The following CTNNA3 variants were observed in gnomAD, a reference collection of about 807,000 sequenced individuals.
The protein encoded by CTNNA3 is catenin alpha 3.
In CTNNA3, 76 loss-of-function variants were observed where a neutral mutation model predicts 95.7. The observed-to-expected ratio is 0.79, with a 90% CI of 0.66 to 0.96. The LOEUF is 0.96. Ranked by LOEUF, CTNNA3 falls within the 40% of genes least tolerant of loss-of-function variation. The pLI is 0.00. For synonymous variants in CTNNA3, 431 were observed against 374.4 expected (o/e 1.15, Z -1.74); for missense variants, 1,191 against 1,089.8 (o/e 1.09, Z -1.31).
At chr10:66,618,350 T>C (rs944157435) in intron 10 of CTNNA3, among the ~76,000 whole-genome samples, 12 of 152,058 alleles carry the variant, frequency 7.9e-5, no homozygotes, top group Non-Finnish European at 1.5e-4. Context: ...AAGGTACTGG[T>C]ACCAAAACAG....
chr10:66,442,895 T>C (rs964992022), intron 11 of CTNNA3, among the ~76,000 whole-genome samples: 2 of 152,174 alleles, frequency 1.3e-5, no homozygotes, highest in East Asian at 3.9e-4. Flanking sequence ...GTCAGGGGGT[T>C]CCCTTTCCTA....
intron 7 of CTNNA3, among the ~76,000 whole-genome samples, chr10:67,079,737 G>A (rs781427498): frequency 5.3e-5 from 8 of 151,778 alleles, no homozygotes; most frequent in Non-Finnish European, 7.4e-5. Context: ...AATCCCAGCT[G>A]CTCAGGAGGC....
intron 17 of CTNNA3, among the ~76,000 whole-genome samples, chr10:65,921,371 G>A (rs2077083746): frequency 6.6e-6 from 1 of 152,172 alleles, no homozygotes; most frequent in Non-Finnish European, 1.5e-5. Context: ...ATGTCTGCTA[G>A]CAAACCCTTG....
At chr10:67,763,543 C>G (rs1841473558) in exon 1 of CTNNA3, among the ~76,000 whole-genome samples, 3 of 152,202 alleles carry the variant, frequency 2.0e-5, no homozygotes, top group Admixed American at 2.0e-4. Context: ...ATGAACACTC[C>G]TAGAAACTTC....
chr10:66,492,504 C>T (rs2131939314), intron 11 of CTNNA3, among the ~76,000 whole-genome samples: 1 of 151,308 alleles, frequency 6.6e-6, no homozygotes, highest in East Asian at 2.0e-4. Context: ...CCCAGGTCAC[C>T]ATCTTCTTTG....
At chr10:66,553,641 C>CT (rs1338383932) in intron 10 of CTNNA3, among the ~76,000 whole-genome samples, 1 of 142,798 alleles carries the variant, frequency 7.0e-6, no homozygotes, top group East Asian at 2.2e-4. Flanking sequence ...CATTCTCCTG[C>CT]TTCAGCCTCC....
intron 11 of CTNNA3, among the ~76,000 whole-genome samples, chr10:66,416,270 T>TA (rs57188902): frequency 9.3e-5 from 14 of 150,544 alleles, no homozygotes; most frequent in East Asian, 2.0e-4. Context: ...ACACATTTTT[T>TA]AAAAAAAAAG....
In CTNNA3 at chr10:66,069,291, G is replaced by A. The variant is rs772830252; in HGVS notation, c.2159+17C>T. 5.0e-6 allele frequency: 8 copies of A among 1,609,112 alleles called. No homozygotes were observed. Among genetic ancestry groups the A allele is most frequent in the East Asian group, 4.5e-5 (2 of 44,780 alleles). On this transcript the variant is annotated intron_variant, in intron 15 of 17. Coordinates refer to ENST00000433211, the MANE Select transcript of CTNNA3 (RefSeq NM_013266.4). ...TCAGCCATTATGAATATTACACATC[G>A]TTTTCCACATAATTACCTAGTGAAG...
At chr10:67,134,133 A>T (rs1860174138) in intron 7 of CTNNA3, among the ~76,000 whole-genome samples, 1 of 152,122 alleles carries the variant, frequency 6.6e-6, no homozygotes, top group Non-Finnish European at 1.5e-5. Flanking sequence ...ATAACACACC[A>T]ACTGCTCAAT....
intron 5 of CTNNA3, among the ~76,000 whole-genome samples, chr10:67,470,867 A>C (rs1354735716): frequency 1.3e-5 from 2 of 151,986 alleles, no homozygotes; most frequent in Non-Finnish European, 2.9e-5. Flanking sequence ...TGCAGTCTTG[A>C]CCTCCCAGGA....
intron 11 of CTNNA3, among the ~76,000 whole-genome samples, chr10:66,468,591 A>C (rs1839013418): frequency 6.6e-6 from 1 of 151,944 alleles, no homozygotes; most frequent in African/African-American, 2.4e-5. Flanking sequence ...GTATCTTTCA[A>C]ATTTGCTAAG....
intron 1 of CTNNA3, among the ~76,000 whole-genome samples, chr10:67,743,166 TC>T (rs1384686121): frequency 6.6e-6 from 1 of 151,212 alleles, no homozygotes; most frequent in African/African-American, 2.4e-5. Context: ...GCCAGCATCA[TC>T]CTGATACCAA....
At chr10:67,032,367 C>T (rs747297377) in intron 7 of CTNNA3, among the ~76,000 whole-genome samples, 2 of 152,104 alleles carry the variant, frequency 1.3e-5, no homozygotes, top group African/African-American at 2.4e-5. Context: ...AATTTGCCTA[C>T]TTTCCTCAAT....
intron 5 of CTNNA3, among the ~76,000 whole-genome samples, chr10:67,453,076 A>G: frequency 6.6e-6 from 1 of 152,066 alleles, no homozygotes; most frequent in Non-Finnish European, 1.5e-5. Context: ...AGACGGAGGC[A>G]GCCAGTTATG....
At chr10:66,865,213 C>CATGTGTGTGT (rs1188954832) in intron 7 of CTNNA3, among the ~76,000 whole-genome samples, 1 of 143,826 alleles carries the variant, frequency 7.0e-6, no homozygotes. Context: ...TGTGTGTGTG[C>CATGTGTGTGT]GTGTGTGTGT....
At chr10:66,806,160 A>G (rs1841630681) in intron 7 of CTNNA3, among the ~76,000 whole-genome samples, 2 of 152,020 alleles carry the variant, frequency 1.3e-5, no homozygotes, top group Non-Finnish European at 2.9e-5. Context: ...GAAGCAAAAG[A>G]GAGAAGGGAA....
chr10:67,644,106 C>T (rs1380485992), intron 2 of CTNNA3, among the ~76,000 whole-genome samples: 1 of 152,208 alleles, frequency 6.6e-6, no homozygotes, highest in Non-Finnish European at 1.5e-5. Flanking sequence ...GAGGAATTGC[C>T]ACATTGCCTT....
chr10:66,318,280 G>T (rs10997059), intron 12 of CTNNA3, among the ~76,000 whole-genome samples: 1 of 91,636 alleles, frequency 1.1e-5, no homozygotes, highest in South Asian at 4.4e-4. Context: ...ATATATATGT[G>T]TGTGTGTGTG....
At chr10:67,732,241 G>A (rs1251360899) in intron 1 of CTNNA3, among the ~76,000 whole-genome samples, 2 of 152,170 alleles carry the variant, frequency 1.3e-5, no homozygotes, top group African/African-American at 2.4e-5. Context: ...GTGTGAACTT[G>A]TATTTTTCAA....
Sources: allele counts gnomAD v4.1 joint callset (sites outside exome capture counted in the v4.1 genomes callset), GRCh38; gene constraint gnomAD v4.1.1; transcripts MANE v1.5; gene names NCBI Gene and HGNC (gene_info 2026-07-23, HGNC 2026-07-21).